Variants in MEIOB observed in about 807,000 individuals in gnomAD.
MEIOB encodes meiosis specific with OB-fold.
In MEIOB, 50 loss-of-function variants were observed where a neutral mutation model predicts 53.1. The ratio of observed to expected loss-of-function variants is 0.94; its 90% CI spans 0.75 to 1.19. MEIOB has a LOEUF of 1.19. Ranked by LOEUF, MEIOB falls within the 50% of genes most tolerant of loss-of-function variation. The pLI is 0.00. For missense variants in MEIOB, 551 were observed against 550.8 expected (o/e 1.00, Z 0.00); for synonymous variants, 192 against 182.5 (o/e 1.05, Z -0.42).
chr16:1,863,510 C>T (rs1712396492), intron 3 of MEIOB, among the ~76,000 whole-genome samples: 1 of 151,986 alleles, frequency 6.6e-6, no homozygotes, highest in East Asian at 1.9e-4. Context: ...CCTCACCCTC[C>T]CAAGTAGCTG....
At chr16:1,852,006 G>A (rs1899183193) in intron 9 of MEIOB, among the ~76,000 whole-genome samples, 1 of 152,104 alleles carries the variant, frequency 6.6e-6, no homozygotes, top group East Asian at 1.9e-4. Flanking sequence ...GTAATAAACT[G>A]TAACTCCTTC....
chr16:1,861,980 C>T lies in MEIOB; in HGVS notation c.259+5G>A. 6.5e-7 allele frequency: 1 copy of T among 1,549,184 alleles called. No individual in the cohort carries two copies. The highest frequency in any genetic ancestry group is 1.2e-5 in the South Asian group (1 of 83,434). ...GAAAAAGTTTAAGAATCAATGCCAA[C>T]TTACCACAGTCACCAACCCTAAAGC... On this transcript the variant is annotated splice_donor_5th_base_variant and intron_variant, in intron 4 of 13. Transcript: ENST00000325962.
chr16:1,857,999 C>A (rs529884757), intron 5 of MEIOB, 69 bp from the exon 6 acceptor site: 2 of 947,972 alleles, frequency 2.1e-6, no homozygotes, highest in Non-Finnish European at 3.1e-6. Context: ...TCCAGGTCCA[C>A]ATTTAAACTA....
chr16:1,838,423 A>G (rs1306975175), intron 12 of MEIOB, among the ~76,000 whole-genome samples: 1 of 152,238 alleles, frequency 6.6e-6, no homozygotes, highest in East Asian at 1.9e-4. Flanking sequence ...ATTTGGAACT[A>G]AAGTCTAATG....
intron 9 of MEIOB, among the ~76,000 whole-genome samples, chr16:1,850,366 C>T (rs1350558522): frequency 6.6e-6 from 1 of 151,690 alleles, no homozygotes; most frequent in Non-Finnish European, 1.5e-5. Context: ...ATCACTGGAG[C>T]CCAGAAGTTC....
chr16:1,848,333 T>A (rs1325754575), intron 9 of MEIOB, among the ~76,000 whole-genome samples: 1 of 152,270 alleles, frequency 6.6e-6, no homozygotes, highest in South Asian at 2.1e-4. Context: ...TAAATTCCAT[T>A]GTTACTCTCT....
At chr16:1,842,898 G>A (rs1450245327) in intron 10 of MEIOB, among the ~76,000 whole-genome samples, 6 of 148,846 alleles carry the variant, frequency 4.0e-5, no homozygotes, top group Admixed American at 4.0e-4. Context: ...TCCTGACCTC[G>A]TGATCCGCCC....
intron 1 of MEIOB, among the ~76,000 whole-genome samples, chr16:1,870,944 A>G (rs1355335372): frequency 6.6e-6 from 1 of 152,102 alleles, no homozygotes; most frequent in East Asian, 1.9e-4. Context: ...CTGTACAAAC[A>G]CAACTACCTA....
intron 1 of MEIOB, among the ~76,000 whole-genome samples, 160 bp from the exon 2 acceptor site, chr16:1,868,344 G>A (rs552950364): frequency 1.2e-4 from 18 of 152,086 alleles, no homozygotes; most frequent in African/African-American, 3.9e-4. Context: ...ATCACCTGAG[G>A]TCAGGAGTTC....
intron 9 of MEIOB, among the ~76,000 whole-genome samples, chr16:1,847,755 G>T (rs1899062784): frequency 6.6e-6 from 1 of 152,118 alleles, no homozygotes; most frequent in African/African-American, 2.4e-5. Flanking sequence ...AACGGCTGTA[G>T]ACACTATCAT....
chr16:1,860,274 G>C, intron 5 of MEIOB, 129 bp downstream of exon 5: 2 of 513,882 alleles, frequency 3.9e-6, no homozygotes, highest in Non-Finnish European at 6.7e-6. Context: ...AATTTTGTAA[G>C]AGAAAATTAA....
chr16:1,839,312 G>T lies in MEIOB; in HGVS notation c.1161C>A (p.Gly387=). The T allele has an allele frequency of 6.2e-7, 1 of 1,614,148 alleles. No homozygotes were observed. The highest frequency in any genetic ancestry group is 8.5e-7 in the Non-Finnish European group (1 of 1,180,022). ...CTGTGAGACTACAGGAATGAAGGGT[G>T]CCTGTGTGATCAGTCAGATCAATCA... is the stretch of plus-strand genomic sequence containing the variant. ...HVLIDLTDHT[G]TLHSCSLTGS... Residue 387 remains glycine, a synonymous_variant, in exon 12 of 14, where the codon GGC becomes GGA. Transcript: ENST00000325962.
At chr16:1,866,133 C>A (rs1899588177) in intron 2 of MEIOB, among the ~76,000 whole-genome samples, 1 of 152,204 alleles carries the variant, frequency 6.6e-6, no homozygotes, top group South Asian at 2.1e-4. Flanking sequence ...CCTATGCTAT[C>A]AATCCTTACT....
At chr16:1,861,099 AC>A (rs1375483762) in intron 4 of MEIOB, among the ~76,000 whole-genome samples, 4 of 152,126 alleles carry the variant, frequency 2.6e-5, no homozygotes, top group African/African-American at 7.2e-5. Context: ...CATAGTTGAG[AC>A]CCAACAAGAT....
chr16:1,848,821 G>A (rs1243055022), intron 9 of MEIOB, among the ~76,000 whole-genome samples: 2 of 151,980 alleles, frequency 1.3e-5, no homozygotes, highest in Non-Finnish European at 2.9e-5. Flanking sequence ...TGGGATTACA[G>A]GCATGAGCCA....
chr16:1,839,199 G>A, intron 12 of MEIOB, 56 bp downstream of exon 12: 1 of 1,464,972 alleles, frequency 6.8e-7, no homozygotes, highest in South Asian at 1.5e-5. Context: ...TATTTTTTTG[G>A]GAAAAAGCAT....
chr16:1,858,029 G>T, intron 5 of MEIOB, 99 bp from the exon 6 acceptor site: 1 of 742,054 alleles, frequency 1.3e-6, no homozygotes, highest in Non-Finnish European at 2.2e-6. Context: ...TTGAAATTTA[G>T]ACAATACTAA....
chr16:1,842,022 T>C (rs1351662627), intron 10 of MEIOB, 49 bp from the exon 11 acceptor site: 3 of 1,282,500 alleles, frequency 2.3e-6, no homozygotes, highest in Non-Finnish European at 3.1e-6. Flanking sequence ...CTAAAAAATA[T>C]AAAAGGTTAC....
intron 9 of MEIOB, among the ~76,000 whole-genome samples, chr16:1,845,721 T>C (rs1899012167): frequency 6.6e-6 from 1 of 152,028 alleles, no homozygotes; most frequent in African/African-American, 2.4e-5. Flanking sequence ...TAAAATAGGC[T>C]CTATAAAAAG....
Sources: allele counts gnomAD v4.1 joint callset (sites outside exome capture counted in the v4.1 genomes callset), GRCh38; gene constraint gnomAD v4.1.1; transcripts MANE v1.5; gene names NCBI Gene and HGNC (gene_info 2026-07-23, HGNC 2026-07-21).